FMN1: variants seen among roughly 807,000 people sequenced by gnomAD.
FMN1 encodes the protein formin-1.
Under a neutral mutation model 132.4 loss-of-function variants are expected in FMN1, and 110 were observed. The observed-to-expected ratio is 0.83, with a 90% CI of 0.71 to 0.97. The LOEUF (loss-of-function observed/expected upper bound fraction) is 0.97. Ranked by LOEUF, FMN1 falls within the 50% of genes least tolerant of loss-of-function variation. The pLI is 0.00. For missense variants in FMN1, 1,792 were observed against 1,705.3 expected (o/e 1.05, Z -0.90); for synonymous variants, 722 against 651.7 (o/e 1.11, Z -1.64).
chr15:32,964,492 G>C (rs774222001), intron 8 of FMN1, among the ~76,000 whole-genome samples: 1 of 152,152 alleles, frequency 6.6e-6, no homozygotes, highest in Non-Finnish European at 1.5e-5. Flanking sequence ...CATTAGCTAC[G>C]ATCAAAGATA....
chr15:32,898,943 A>T (rs1450758988), intron 14 of FMN1, 50 bp from the exon 15 acceptor site: 1 of 1,252,378 alleles, frequency 8.0e-7, no homozygotes, highest in Admixed American at 1.8e-5. Flanking sequence ...TGAGACTGTC[A>T]TGTTACACGG....
At chr15:32,818,520 T>G (rs2058117876) in intron 17 of FMN1, among the ~76,000 whole-genome samples, 1 of 152,194 alleles carries the variant, frequency 6.6e-6, no homozygotes. Context: ...AATCATCCAT[T>G]GCTTCACCCT....
At chr15:33,006,456 T>C (rs985181375) in intron 7 of FMN1, among the ~76,000 whole-genome samples, 1 of 152,170 alleles carries the variant, frequency 6.6e-6, no homozygotes, top group Admixed American at 6.5e-5. Flanking sequence ...GAATGTAAAC[T>C]AGTTTGTAGA....
At chr15:32,822,183 T>G (rs539831831) in intron 17 of FMN1, among the ~76,000 whole-genome samples, 1 of 152,238 alleles carries the variant, frequency 6.6e-6, no homozygotes, top group African/African-American at 2.4e-5. Context: ...ACCCCGCCTC[T>G]ACTAAAAATA....
chr15:32,930,398 T>C (rs2061081790), intron 9 of FMN1, among the ~76,000 whole-genome samples: 1 of 151,922 alleles, frequency 6.6e-6, no homozygotes, highest in Non-Finnish European at 1.5e-5. Flanking sequence ...TCAAAAAAAC[T>C]TGGTATTTTT....
At chr15:33,112,376 T>C (rs1461837145) in intron 4 of FMN1, among the ~76,000 whole-genome samples, 1 of 152,148 alleles carries the variant, frequency 6.6e-6, no homozygotes, top group Non-Finnish European at 1.5e-5. Context: ...GGTGGTTGGA[T>C]TATAGAAGAT....
intron 4 of FMN1, among the ~76,000 whole-genome samples, chr15:33,128,153 A>T (rs1472667751): frequency 1.3e-5 from 2 of 149,168 alleles, no homozygotes; most frequent in Non-Finnish European, 2.9e-5. Context: ...AGTGTAACAG[A>T]AGTAGGATGG....
intron 4 of FMN1, among the ~76,000 whole-genome samples, chr15:33,111,716 T>G (rs921246364): frequency 1.3e-5 from 2 of 152,070 alleles, no homozygotes; most frequent in Non-Finnish European, 2.9e-5. Context: ...TGATACCACT[T>G]ACATGAAATT....
chr15:33,084,508 C>T (rs1380982618), intron 5 of FMN1, among the ~76,000 whole-genome samples: 1 of 151,674 alleles, frequency 6.6e-6, no homozygotes, highest in African/African-American at 2.4e-5. Context: ...CCAAGTAGAT[C>T]GTGTCAATTG....
intron 4 of FMN1, among the ~76,000 whole-genome samples, chr15:33,128,437 AAG>A (rs778874086): frequency 1.9e-4 from 29 of 152,286 alleles, no homozygotes; most frequent in African/African-American, 7.0e-4. Flanking sequence ...TACCTCCTAA[AAG>A]AATTTTTATT....
chr15:33,132,111 A>G (rs543909637), intron 4 of FMN1, among the ~76,000 whole-genome samples: 85 of 151,722 alleles, frequency 5.6e-4, no homozygotes, highest in African/African-American at 1.6e-3. Flanking sequence ...AAAGTCAAGA[A>G]TTTTCTTTTC....
intron 4 of FMN1, among the ~76,000 whole-genome samples, chr15:33,134,426 TAAATAAA>T (rs1319997289): frequency 2.6e-5 from 4 of 152,132 alleles, no homozygotes; most frequent in Non-Finnish European, 4.4e-5. Flanking sequence ...AACAACCATC[TAAATAAA>T]AAGTGTGTGT....
chr15:33,065,148 A>C (rs754531024), intron 5 of FMN1, 74 bp from the exon 6 acceptor site: 92 of 959,660 alleles, frequency 9.6e-5, no homozygotes, highest in Non-Finnish European at 1.1e-4. Context: ...GACATGCTAA[A>C]CCTAATTCTG....
chr15:33,086,643 G>C (rs1427858375), intron 5 of FMN1, among the ~76,000 whole-genome samples: 1 of 152,180 alleles, frequency 6.6e-6, no homozygotes, highest in Non-Finnish European at 1.5e-5. Flanking sequence ...TACACTGTAG[G>C]CCTGCTGTTT....
intron 9 of FMN1, among the ~76,000 whole-genome samples, chr15:32,940,245 A>C (rs1197395663): frequency 6.6e-6 from 1 of 152,194 alleles, no homozygotes; most frequent in African/African-American, 2.4e-5. Context: ...CCAGTTATTC[A>C]GAGAAAAGTC....
chr15:32,843,327 C>T (rs17816447), intron 17 of FMN1, among the ~76,000 whole-genome samples: 4,178 of 152,250 alleles, frequency 0.027, 70 homozygotes, highest in Middle Eastern at 0.048. Context: ...GCTGTCAACA[C>T]GCTGGAACCT....
chr15:33,139,548 G>A (rs57051530), intron 4 of FMN1, among the ~76,000 whole-genome samples: 2,163 of 152,276 alleles, frequency 0.014, 53 homozygotes, highest in African/African-American at 0.05. Context: ...CTGAGATCAC[G>A]CCACTGCACT....
In FMN1 at chr15:33,065,020, C is replaced by G. The variant is rs1236931160; in HGVS notation, c.2098G>C (p.Val700Leu). ...TCTTTTGTCTTTGGGGGTGGCCAGA[C>G]AGCTTGAAGTCTGCCAGGAGTCCTG... The part of the protein sequence containing the change: ...DDRTPGRLQA[V>L]WPPPKTKDTE... Residue 700 changes from valine (V) to leucine (L), a missense_variant, in exon 6 of 21, where the codon GTC becomes CTC. This residue lies in a region of FMN1 where 1,150 missense variants were observed against 1,043.1 expected (regional missense o/e 1.10). Coordinates refer to ENST00000616417, the MANE Select transcript of FMN1 (RefSeq NM_001277313.2). 25 of 1,612,072 alleles carry G rather than the reference C, an allele frequency of 1.6e-5. No homozygotes were observed. The highest frequency in any genetic ancestry group is 2.1e-5 in the Non-Finnish European group (25 of 1,179,134).
intron 17 of FMN1, among the ~76,000 whole-genome samples, chr15:32,846,676 T>G (rs1268731): frequency 0.98 from 149,054 of 152,284 alleles, 73,015 homozygotes; most frequent in East Asian, 1. Flanking sequence ...TCTAGAACCA[T>G]AAATGCCATT....
Sources: gnomAD v4.1 joint callset for allele counts (sites outside exome capture counted in the v4.1 genomes callset) on GRCh38, gnomAD v4.1.1 for gene constraint, gnomAD v4.1.1 regional missense constraint, MANE v1.5 for transcripts, NCBI Gene and HGNC (gene_info 2026-07-23, HGNC 2026-07-21) for gene names.